Variants in NCAPG2 observed in about 807,000 individuals in gnomAD.
NCAPG2 encodes the protein condensin-2 complex subunit G2.
In NCAPG2, 53 loss-of-function variants were observed where a neutral mutation model predicts 141.1. That is an observed-to-expected ratio of 0.38 (90% confidence interval 0.30 to 0.47). The LOEUF is 0.47. Among genes scored for constraint, NCAPG2 ranks in the 20% least tolerant of loss-of-function variants. NCAPG2 has a pLI of 0.99. For missense variants in NCAPG2, 1,087 were observed against 1,389.0 expected (o/e 0.78, Z 3.46); for synonymous variants, 499 against 490.7 (o/e 1.02, Z -0.22).
intron 2 of NCAPG2, 126 bp downstream of exon 2, chr7:158,701,696 T>C: frequency 1.2e-6 from 1 of 863,320 alleles, no homozygotes; most frequent in South Asian, 1.6e-5. Flanking sequence ...TTTTCTTCTT[T>C]CAAATAAACA....
chr7:158,667,842 C>G (rs1437173114), intron 13 of NCAPG2, among the ~76,000 whole-genome samples: 9 of 23,054 alleles, frequency 3.9e-4, no homozygotes, highest in Admixed American at 6.5e-4. Flanking sequence ...TCCGCCCTCC[C>G]TTACCCACTA....
At chr7:158,673,701 C>A (rs1833885832) in intron 12 of NCAPG2, among the ~76,000 whole-genome samples, 1 of 152,192 alleles carries the variant, frequency 6.6e-6, no homozygotes, top group Admixed American at 6.5e-5. Flanking sequence ...TGGGACCAGC[C>A]GCATGCAAAC....
chr7:158,658,417 G>A lies in NCAPG2; in HGVS notation c.1990-9C>T, dbSNP rs775181713. ...ATCTTGCAGCGATCATCCTAAAAGC[G>A]AAAAAAGAAAAACAAAACAAAGCAT... is the stretch of plus-strand genomic sequence containing the variant. On this transcript the variant is annotated splice_polypyrimidine_tract_variant and intron_variant, in intron 16 of 27. Coordinates refer to ENST00000356309, the MANE Select transcript of NCAPG2 (RefSeq NM_017760.7). The A allele has an allele frequency of 6.9e-6, 11 of 1,596,486 alleles. No individual in the cohort carries two copies. The highest frequency in any genetic ancestry group is 2.2e-5 in the East Asian group (1 of 44,560).
At chr7:158,699,810 C>G (rs114680771) in intron 2 of NCAPG2, among the ~76,000 whole-genome samples, 4,224 of 152,274 alleles carry the variant, frequency 0.028, 181 homozygotes, top group African/African-American at 0.092. Flanking sequence ...GCATTTCTTA[C>G]TGATTTAACA....
intron 2 of NCAPG2, among the ~76,000 whole-genome samples, chr7:158,701,225 C>T (rs1409543928): frequency 1.3e-5 from 2 of 152,208 alleles, no homozygotes; most frequent in Non-Finnish European, 2.9e-5. Flanking sequence ...ATTTCCAGTT[C>T]CTAATTCAAC....
intron 2 of NCAPG2, among the ~76,000 whole-genome samples, chr7:158,694,788 T>G (rs561135366): frequency 2.6e-5 from 4 of 152,172 alleles, no homozygotes. Flanking sequence ...TTTCTCCTCT[T>G]CTTAGCGCTC....
At chr7:158,702,841 A>C (rs1028957051) in intron 1 of NCAPG2, among the ~76,000 whole-genome samples, 7 of 152,196 alleles carry the variant, frequency 4.6e-5, no homozygotes, top group Non-Finnish European at 1.0e-4. Flanking sequence ...GTTAACAGTG[A>C]AGTCTGGTCA....
At chr7:158,684,059 T>C (rs1349949450) in intron 8 of NCAPG2, among the ~76,000 whole-genome samples, 1 of 152,174 alleles carries the variant, frequency 6.6e-6, no homozygotes, top group Non-Finnish European at 1.5e-5. Flanking sequence ...AAGGAAACGC[T>C]CCTAGGGTTA....
At chr7:158,660,532 C>G (rs760491410) in intron 16 of NCAPG2, among the ~76,000 whole-genome samples, 1 of 151,200 alleles carries the variant, frequency 6.6e-6, no homozygotes, top group Non-Finnish European at 1.5e-5. Flanking sequence ...AATCCTGCCT[C>G]AGCCTCCTGC....
chr7:158,672,123 G>A (rs753510054), intron 12 of NCAPG2, among the ~76,000 whole-genome samples: 11 of 151,728 alleles, frequency 7.2e-5, no homozygotes, highest in African/African-American at 1.2e-4. Flanking sequence ...GACTACAGTG[G>A]CCACGTAGCA....
Position 158,692,923 on chromosome 7 carries a change from A to T in NCAPG2, c.301T>A (p.Ser101Thr). The change falls in exon 4 of 28, where the codon TCT becomes ACT. Residue 101 changes from serine to threonine, a missense_variant. Ser to Thr is a moderately conservative substitution (Grantham distance 58). Coordinates refer to ENST00000356309, the MANE Select transcript of NCAPG2 (RefSeq NM_017760.7). Reference sequence around the variant, plus strand: ...ACAGACACAGAAGCAAGAATCACAGATGTAATTGCATAAATTATTTCTATG... The same window carrying T: ...ACAGACACAGAAGCAAGAATCACAGTTGTAATTGCATAAATTATTTCTATG... ...KSIEIIYAIT[S>T]VILASVSVIN... 1 of 1,585,824 alleles carries T rather than the reference A, an allele frequency of 6.3e-7. No individual in the cohort carries two copies. The highest frequency in any genetic ancestry group is 8.6e-7 in the Non-Finnish European group (1 of 1,159,412).
intron 27 of NCAPG2, among the ~76,000 whole-genome samples, chr7:158,635,026 G>A (rs1047065628): frequency 6.6e-6 from 1 of 152,048 alleles, no homozygotes; most frequent in Non-Finnish European, 1.5e-5. Context: ...TCAAAACTTC[G>A]CCACCTTTCC....
chr7:158,674,784 A>G (rs1044869171), intron 12 of NCAPG2, among the ~76,000 whole-genome samples: 1 of 152,256 alleles, frequency 6.6e-6, no homozygotes, highest in Non-Finnish European at 1.5e-5. Context: ...AGTTGATTCC[A>G]GTAGCAGGAA....
chr7:158,638,362 T>C (rs1319653749), intron 27 of NCAPG2, among the ~76,000 whole-genome samples: 2 of 152,036 alleles, frequency 1.3e-5, no homozygotes, highest in Non-Finnish European at 2.9e-5. Context: ...ACCTCAGCTG[T>C]CCATGTAGCT....
intron 27 of NCAPG2, among the ~76,000 whole-genome samples, chr7:158,636,721 A>G (rs1449184024): frequency 6.6e-6 from 1 of 152,150 alleles, no homozygotes; most frequent in East Asian, 1.9e-4. Flanking sequence ...TCTAATAAAG[A>G]AAAATGCTTA....
intron 27 of NCAPG2, among the ~76,000 whole-genome samples, chr7:158,637,554 A>G (rs1830350718): frequency 6.6e-6 from 1 of 152,294 alleles, no homozygotes; most frequent in Non-Finnish European, 1.5e-5. Flanking sequence ...GGGACTCAAG[A>G]GAGTAGGCTT....
intron 13 of NCAPG2, among the ~76,000 whole-genome samples, chr7:158,666,769 AT>A (rs562398729): frequency 6.6e-4 from 100 of 152,204 alleles, no homozygotes; most frequent in African/African-American, 2.3e-3. Flanking sequence ...TCAAAAAAAA[AT>A]AAATAAATAA....
Position 158,655,437 on chromosome 7 carries a change from G to A in NCAPG2, c.2407C>T (p.Leu803=). 6.2e-7 allele frequency: 1 copy of A among 1,614,078 alleles called. No individual in the cohort carries two copies. Among genetic ancestry groups the A allele is most frequent in the South Asian group, 1.1e-5 (1 of 91,076 alleles). Residue 803 remains leucine, a synonymous_variant, in exon 20 of 28, where the codon CTG becomes TTG. Transcript: ENST00000356309. ...CGAGGCTTCCCACCCGGTGTCTGCA[G>A]AAGTGACTCCAGATCTGCCTGTAAT... The part of the protein sequence containing the change: ...ETSKADLESL[L]QTPGGKPRGF...
At chr7:158,681,664 A>T (rs953019822) in intron 9 of NCAPG2, among the ~76,000 whole-genome samples, 1 of 152,196 alleles carries the variant, frequency 6.6e-6, no homozygotes, top group African/African-American at 2.4e-5. Flanking sequence ...ATTAGTCTAT[A>T]GTTTGCTTTT....
Sources: allele counts gnomAD v4.1 joint callset (sites outside exome capture counted in the v4.1 genomes callset), GRCh38; gene constraint gnomAD v4.1.1; transcripts MANE v1.5; gene names NCBI Gene and HGNC (gene_info 2026-07-23, HGNC 2026-07-21).